Variants in TNFAIP8 observed in about 807,000 individuals in gnomAD.
TNFAIP8 encodes the protein TNF alpha induced protein 8.
In TNFAIP8, 7 loss-of-function variants were observed where a neutral mutation model predicts 13.3. The ratio of observed to expected loss-of-function variants is 0.52; its 90% CI spans 0.30 to 0.99. The LOEUF (loss-of-function observed/expected upper bound fraction) is 0.99. Ranked by LOEUF, TNFAIP8 falls within the 50% of genes least tolerant of loss-of-function variation. The probability of loss-of-function intolerance (pLI) is 0.07; values close to 1 mark genes in which losing one functional copy is unlikely to be tolerated. For synonymous variants in TNFAIP8, 94 were observed against 87.6 expected (o/e 1.07, Z -0.41); for missense variants, 258 against 236.9 (o/e 1.09, Z -0.58).
chr5:119,271,145 G>C (rs936194938), intron 1 of TNFAIP8, among the ~76,000 whole-genome samples: 3 of 152,322 alleles, frequency 2.0e-5, no homozygotes, highest in Admixed American at 2.0e-4. Flanking sequence ...CAGAGGCCAG[G>C]AACAGAGTAT....
At chr5:119,342,681 T>C (rs775833573) in intron 1 of TNFAIP8, among the ~76,000 whole-genome samples, 3 of 152,234 alleles carry the variant, frequency 2.0e-5, no homozygotes, top group Non-Finnish European at 4.4e-5. Context: ...TACTAAGTTA[T>C]CTTTCTCAAA....
exon 1 of TNFAIP8, chr5:119,268,778 G>A: frequency 4.4e-6 from 3 of 674,682 alleles, no homozygotes; most frequent in East Asian, 2.9e-5. Context: ...CTTTTCTCCC[G>A]CCGGCTCTAA....
chr5:119,333,696 T>C, intron 1 of TNFAIP8: 1 of 1,265,094 alleles, frequency 7.9e-7, no homozygotes, highest in South Asian at 1.3e-5. Flanking sequence ...TGGTAAAATG[T>C]TCAGATGACT....
intron 1 of TNFAIP8, among the ~76,000 whole-genome samples, chr5:119,383,684 A>G (rs1462323116): frequency 2.6e-5 from 4 of 152,204 alleles, no homozygotes; most frequent in Non-Finnish European, 5.9e-5. Context: ...GGAGAAAAAA[A>G]ACAAATCTAA....
chr5:119,293,270 G>A (rs1266471912), intron 1 of TNFAIP8, among the ~76,000 whole-genome samples: 1 of 151,944 alleles, frequency 6.6e-6, no homozygotes, highest in Non-Finnish European at 1.5e-5. Context: ...GTTATTAACT[G>A]CTGCTACTGT....
chr5:119,333,277 T>A (rs1750441269), intron 1 of TNFAIP8: 1 of 1,091,526 alleles, frequency 9.2e-7, no homozygotes, highest in Non-Finnish European at 1.1e-6. Flanking sequence ...TCCATCCCTG[T>A]TGTGAATGTG....
intron 1 of TNFAIP8, among the ~76,000 whole-genome samples, chr5:119,309,681 G>T (rs1160834896): frequency 6.6e-6 from 1 of 152,216 alleles, no homozygotes; most frequent in East Asian, 1.9e-4. Context: ...GGAGCATTCA[G>T]AGTGACTCCC....
chr5:119,296,090 C>T (rs1220707212), intron 1 of TNFAIP8, among the ~76,000 whole-genome samples: 2 of 149,086 alleles, frequency 1.3e-5, no homozygotes, highest in Non-Finnish European at 3.0e-5. Flanking sequence ...AATTTGACTT[C>T]CTCTTTTCCT....
At chr5:119,277,056 C>T (rs1213703828) in intron 1 of TNFAIP8, among the ~76,000 whole-genome samples, 1 of 152,078 alleles carries the variant, frequency 6.6e-6, no homozygotes, top group Non-Finnish European at 1.5e-5. Flanking sequence ...ACAATTATAA[C>T]AATATATTGT....
rs1490434353 is a variant in TNFAIP8 at position 119,292,671 on chromosome 5, TATATATATATATATACACACAC to T, written c.1+23766_1+23787del. On this transcript the variant is annotated intron_variant, in intron 1 of 1. Transcript: ENST00000274456. ...ATATATATATATATATATATATATATATATATATATATATACACACACACACAATGAAATACTATTTAGCAAT... is the reference window on the plus strand; with the variant it reads ...ATATATATATATATATATATATATATACACAATGAAATACTATTTAGCAAT... 3.4e-4 allele frequency among the ~76,000 whole-genome samples: 13 copies of T among 37,756 alleles called. 2 individuals carry two copies. The highest frequency in any genetic ancestry group is 9.2e-4 in the Admixed American group (3 of 3,278). The allele number at this position is 37,756 out of a possible 152,430, so 24.8% of individuals were successfully genotyped here. A position where few individuals can be genotyped will look rare whatever the true frequency, so the allele number is the denominator to read the frequency against.
In TNFAIP8 at chr5:119,395,683, A is replaced by C. The variant is rs900352414; in HGVS notation, c.*2302A>C. The C allele has an allele frequency of 3.3e-5, 5 of 152,174 alleles. No individual in the cohort carries two copies. Among genetic ancestry groups the C allele is most frequent in the Non-Finnish European group, 5.9e-5 (4 of 68,034 alleles). 9.4% of individuals were successfully genotyped at this position (152,174 alleles called of 1,614,324 possible). A position where few individuals can be genotyped will look rare whatever the true frequency, so the allele number is the denominator to read the frequency against. On this transcript the variant is annotated 3_prime_UTR_variant, in exon 2 of 2. Coordinates refer to ENST00000504771, the MANE Select transcript of TNFAIP8 (RefSeq NM_014350.4). ...TCTCCTTACCAGTGCTGTGCCTGAA[A>C]AGCATGTCTTGGATCAGGTCCAAAG...
upstream of TNFAIP8, among the ~76,000 whole-genome samples, chr5:119,351,242 G>T (rs1480878155): frequency 1.3e-5 from 2 of 151,970 alleles, no homozygotes; most frequent in Non-Finnish European, 2.9e-5. Context: ...GTCCAAGCTG[G>T]TCTCAAACTT....
chr5:119,383,969 C>T (rs1358616096), intron 1 of TNFAIP8, among the ~76,000 whole-genome samples: 1 of 152,140 alleles, frequency 6.6e-6, no homozygotes, highest in African/African-American at 2.4e-5. Context: ...CTTAGCTAGA[C>T]ATTATTAGAT....
intron 1 of TNFAIP8, among the ~76,000 whole-genome samples, chr5:119,312,745 C>CA (rs869226026): frequency 0.089 from 3,880 of 43,364 alleles, 69 homozygotes; most frequent in African/African-American, 0.1. Context: ...GCAAAAAATA[C>CA]AAAAAAAAAA....
chr5:119,389,142 C>G (rs1752797204), intron 1 of TNFAIP8, among the ~76,000 whole-genome samples: 10 of 151,998 alleles, frequency 6.6e-5, no homozygotes, highest in Admixed American at 6.6e-4. Context: ...CCCCAGGTCT[C>G]TGATTTGATT....
intron 1 of TNFAIP8, among the ~76,000 whole-genome samples, chr5:119,318,004 TC>T (rs1418468241): frequency 6.6e-6 from 1 of 152,220 alleles, no homozygotes; most frequent in Non-Finnish European, 1.5e-5. Flanking sequence ...TGTGTTTTTT[TC>T]TTGTATGCAG....
chr5:119,393,237 A>G lies in TNFAIP8; in HGVS notation c.453A>G (p.Ser151=). The part of the protein sequence containing the change: ...QIIQRHLTAK[S]HGRVNNVFDH... The stretch of plus-strand genomic sequence containing the variant: ...TTCAGCGCCACCTCACTGCCAAGTC[A>G]CATGGACGGGTTAATAATGTGTTTG... The change falls in exon 2 of 2, where the codon TCA becomes TCG. Residue 151 remains serine, a synonymous_variant. Coordinates refer to ENST00000504771, the MANE Select transcript of TNFAIP8 (RefSeq NM_014350.4). The G allele has an allele frequency of 6.2e-7, 1 of 1,614,052 alleles. No homozygotes were observed. Among genetic ancestry groups the G allele is most frequent in the Non-Finnish European group, 8.5e-7 (1 of 1,179,894 alleles).
intron 1 of TNFAIP8, among the ~76,000 whole-genome samples, chr5:119,295,735 C>T (rs1749155967): frequency 6.6e-6 from 1 of 152,108 alleles, no homozygotes; most frequent in African/African-American, 2.4e-5. Flanking sequence ...TGGCCATTTT[C>T]ACGATGTTGA....
chr5:119,305,132 A>G (rs1428076258), intron 1 of TNFAIP8, among the ~76,000 whole-genome samples: 1 of 152,198 alleles, frequency 6.6e-6, no homozygotes, highest in East Asian at 1.9e-4. Context: ...ATCACTCTGT[A>G]AGCAGAATCT....
Sources: gnomAD v4.1 joint callset for allele counts (sites outside exome capture counted in the v4.1 genomes callset) on GRCh38, gnomAD v4.1.1 for gene constraint, MANE v1.5 for transcripts, NCBI Gene and HGNC (gene_info 2026-07-23, HGNC 2026-07-21) for gene names.